The following NR6A1 variants were observed in gnomAD, a reference collection of about 807,000 sequenced individuals.
NR6A1 encodes the protein retinoic acid receptor-related testis-associated receptor.
Under a neutral mutation model 59.1 loss-of-function variants are expected in NR6A1, and 7 were observed. The observed-to-expected ratio is 0.12, with a 90% CI of 0.07 to 0.22. The LOEUF is 0.22. Among genes scored for constraint, NR6A1 ranks in the 10% least tolerant of loss-of-function variants. NR6A1 has a pLI of 1.00. For synonymous variants in NR6A1, 243 were observed against 236.1 expected (o/e 1.03, Z -0.27); for missense variants, 468 against 611.6 (o/e 0.77, Z 2.48).
intron 2 of NR6A1, among the ~76,000 whole-genome samples, chr9:124,626,628 C>G (rs1197746434): frequency 6.6e-6 from 1 of 152,172 alleles, no homozygotes. Flanking sequence ...ACTTAAAAGG[C>G]TATCCCTAAT....
intron 1 of NR6A1, among the ~76,000 whole-genome samples, chr9:124,753,983 G>A (rs1840574488): frequency 1.3e-5 from 2 of 152,162 alleles, no homozygotes; most frequent in South Asian, 4.1e-4. Flanking sequence ...GGGCACCAAG[G>A]AAGGAAGGAC....
intron 2 of NR6A1, among the ~76,000 whole-genome samples, chr9:124,558,127 C>T (rs1029782910): frequency 6.6e-6 from 1 of 152,152 alleles, no homozygotes; most frequent in Non-Finnish European, 1.5e-5. Flanking sequence ...AGTTCAATAA[C>T]CTCTGCATAA....
At chr9:124,598,661 A>C (rs1466265497) in intron 2 of NR6A1, 2 of 391,516 alleles carry the variant, frequency 5.1e-6, no homozygotes, top group Non-Finnish European at 8.9e-6. Context: ...AAAAAAAAAA[A>C]AAAAAAAACA....
chr9:124,526,752 G>T (rs375776535), intron 8 of NR6A1, 27 bp downstream of exon 8: 2 of 1,610,692 alleles, frequency 1.2e-6, no homozygotes, highest in African/African-American at 2.7e-5. Flanking sequence ...CACTGCAAAC[G>T]TCCCTTTTCC....
At chr9:124,545,773 G>A (rs962584940) in intron 3 of NR6A1, among the ~76,000 whole-genome samples, 1 of 152,224 alleles carries the variant, frequency 6.6e-6, no homozygotes, top group South Asian at 2.1e-4. Context: ...CATTTAAAGG[G>A]CCACATGTCT....
In NR6A1 at chr9:124,711,187, TAAAAAAAAAA is replaced by T. The variant is rs58609931; in HGVS notation, c.142+22111_142+22120del. Among the ~76,000 whole-genome samples, 315 of 66,510 alleles carry T rather than the reference TAAAAAAAAAA, an allele frequency of 4.7e-3. 5 individuals carry two copies. Among genetic ancestry groups the T allele is most frequent in the African/African-American group, 0.019 (298 of 16,012 alleles). The allele number at this position is 66,510 out of a possible 152,430, so 43.6% of individuals were successfully genotyped here. ...TTACATGCCTAAGTCAGCTAAGGTTTAAAAAAAAAAAAAAAAAAAAAAAAAAAAGCTGGCA... is the reference window on the plus strand; with the variant it reads ...TTACATGCCTAAGTCAGCTAAGGTTTAAAAAAAAAAAAAAAAAAGCTGGCA... On this transcript the variant is annotated intron_variant, in intron 2 of 9. Coordinates refer to ENST00000487099, the MANE Select transcript of NR6A1 (RefSeq NM_033334.4).
In NR6A1 at chr9:124,520,198, A is replaced by AAT. The variant is rs1389766221; in HGVS notation, c.*2505_*2506dup. The AAT allele has an allele frequency of 2.6e-5, 4 of 152,076 alleles. No individual in the cohort carries two copies. Among genetic ancestry groups the AAT allele is most frequent in the African/African-American group, 9.7e-5 (4 of 41,388 alleles). 9.4% of individuals were successfully genotyped at this position (152,076 alleles called of 1,614,324 possible). A position where few individuals can be genotyped will look rare whatever the true frequency, so the allele number is the denominator to read the frequency against. ...AGCTACACTCCTACCTTCTCCTCAT[A>AAT]ATACCTGAGTTTGCAATGCAACACA... is the stretch of plus-strand genomic sequence containing the variant. On this transcript the variant is annotated 3_prime_UTR_variant, in exon 10 of 10. Coordinates refer to ENST00000487099, the MANE Select transcript of NR6A1 (RefSeq NM_033334.4).
intron 2 of NR6A1, among the ~76,000 whole-genome samples, chr9:124,673,232 G>T (rs1358672463): frequency 6.6e-6 from 1 of 150,744 alleles, no homozygotes; most frequent in Non-Finnish European, 1.5e-5. Context: ...TGATGTGGGA[G>T]GATCACTTGA....
At chr9:124,600,704 T>A (rs546246385) in intron 2 of NR6A1, among the ~76,000 whole-genome samples, 1 of 152,272 alleles carries the variant, frequency 6.6e-6, no homozygotes, top group East Asian at 1.9e-4. Context: ...CAGTATGATG[T>A]TATGAGTACT....
chr9:124,695,086 C>T (rs1019492000), intron 2 of NR6A1, among the ~76,000 whole-genome samples: 1 of 152,168 alleles, frequency 6.6e-6, no homozygotes, highest in African/African-American at 2.4e-5. Context: ...CTTCCTGCCC[C>T]CATCCCACCA....
chr9:124,723,429 C>T lies in NR6A1; in HGVS notation c.142+9879G>A, dbSNP rs538361549. Reference sequence around the variant, plus strand: ...AGTCACTGAGATGGTAAAGAAGTCCCGACCAAAAGAGTCAGCAGCATATGA... The same window carrying T: ...AGTCACTGAGATGGTAAAGAAGTCCTGACCAAAAGAGTCAGCAGCATATGA... On this transcript the variant is annotated intron_variant, in intron 2 of 9. Coordinates refer to ENST00000487099, the MANE Select transcript of NR6A1 (RefSeq NM_033334.4). 1.3e-4 allele frequency among the ~76,000 whole-genome samples: 20 copies of T among 152,228 alleles called. 1 individual carries two copies. In the South Asian group the frequency reaches 4.2e-3, roughly 32 times the overall value.
chr9:124,630,578 G>A (rs185250730), intron 2 of NR6A1, among the ~76,000 whole-genome samples: 1,547 of 150,940 alleles, frequency 0.01, 24 homozygotes, highest in African/African-American at 0.036. Context: ...ATCCTAGGGG[G>A]AAGAGCATGG....
At chr9:124,730,871 T>C (rs750890248) in intron 2 of NR6A1, among the ~76,000 whole-genome samples, 4 of 152,222 alleles carry the variant, frequency 2.6e-5, no homozygotes, top group Non-Finnish European at 4.4e-5. Context: ...CTTTCAAATA[T>C]TTCCTAACAC....
At chr9:124,763,592 GAC>G (rs1162847005) in intron 1 of NR6A1, among the ~76,000 whole-genome samples, 2 of 152,114 alleles carry the variant, frequency 1.3e-5, no homozygotes, top group Non-Finnish European at 2.9e-5. Context: ...GTCAAAGAAT[GAC>G]AGAAAATACA....
At chr9:124,751,485 G>A (rs1840497684) in intron 1 of NR6A1, among the ~76,000 whole-genome samples, 1 of 152,174 alleles carries the variant, frequency 6.6e-6, no homozygotes, top group Non-Finnish European at 1.5e-5. Context: ...TTCATACCAA[G>A]GCATGCTGAC....
intron 2 of NR6A1, among the ~76,000 whole-genome samples, chr9:124,625,623 T>G (rs2130868946): frequency 6.6e-6 from 1 of 152,294 alleles, no homozygotes; most frequent in Middle Eastern, 3.4e-3. Context: ...TGTTCTTCAT[T>G]AATTCTAGAG....
At chr9:124,640,150 C>T (rs549604498) in intron 2 of NR6A1, among the ~76,000 whole-genome samples, 1 of 152,244 alleles carries the variant, frequency 6.6e-6, no homozygotes, top group South Asian at 2.1e-4. Context: ...TATCTTAATC[C>T]AGAGGAATGA....
At chr9:124,745,905 T>C (rs1185016655) in intron 1 of NR6A1, among the ~76,000 whole-genome samples, 1 of 149,798 alleles carries the variant, frequency 6.7e-6, no homozygotes, top group Non-Finnish European at 1.5e-5. Flanking sequence ...GGAGAACTGC[T>C]TGAATCCGGG....
intron 2 of NR6A1, among the ~76,000 whole-genome samples, chr9:124,570,556 A>C (rs1327352779): frequency 1.3e-5 from 2 of 152,218 alleles, no homozygotes; most frequent in Non-Finnish European, 2.9e-5. Flanking sequence ...AATTCAGAAG[A>C]CAGTCCTTAA....
Sources: gnomAD v4.1 joint callset for allele counts (sites outside exome capture counted in the v4.1 genomes callset) on GRCh38, gnomAD v4.1.1 for gene constraint, MANE v1.5 for transcripts, NCBI Gene and HGNC (gene_info 2026-07-23, HGNC 2026-07-21) for gene names.